VWA3B: variants seen among roughly 807,000 people sequenced by gnomAD.
The protein encoded by VWA3B is von Willebrand factor A domain-containing protein 3B.
VWA3B carries 138 observed loss-of-function variants against 158.3 expected under a neutral mutation model. The observed-to-expected ratio is 0.87, with a 90% confidence interval of 0.76 to 1.00. The LOEUF is 1.00. Ranked by LOEUF, VWA3B falls within the 50% of genes least tolerant of loss-of-function variation. The pLI, the probability that VWA3B is intolerant of heterozygous loss-of-function variation, is 0.00. For missense variants in VWA3B, 1,555 were observed against 1,565.1 expected (o/e 0.99, Z 0.11); for synonymous variants, 596 against 587.3 (o/e 1.01, Z -0.21).
At chr2:98,279,295 G>A (rs1318056233) in intron 22 of VWA3B, among the ~76,000 whole-genome samples, 2 of 152,118 alleles carry the variant, frequency 1.3e-5, no homozygotes, top group Non-Finnish European at 1.5e-5. Context: ...GTCAACTCTG[G>A]GGATCCCTGA....
chr2:98,278,718 C>T (rs1172810070), intron 22 of VWA3B, among the ~76,000 whole-genome samples: 15 of 152,108 alleles, frequency 9.9e-5, no homozygotes, highest in Non-Finnish European at 1.6e-4. Context: ...ACTCCACTGC[C>T]AGTGGAGCCT....
intron 23 of VWA3B, chr2:98,292,080 C>T (rs1689525070): frequency 8.4e-6 from 1 of 119,180 alleles, no homozygotes; most frequent in African/African-American, 3.2e-5. Context: ...CTCATCTCTA[C>T]TAAAAAAAAA....
At chr2:98,160,007 T>TAA (rs201978512) in intron 7 of VWA3B, among the ~76,000 whole-genome samples, 210 of 138,308 alleles carry the variant, frequency 1.5e-3, no homozygotes, top group East Asian at 4.2e-3. Flanking sequence ...AAGAATCCAT[T>TAA]AAAAAAAAAA....
At chr2:98,259,528 T>A (rs995968972) in intron 21 of VWA3B, among the ~76,000 whole-genome samples, 1 of 151,822 alleles carries the variant, frequency 6.6e-6, no homozygotes, top group African/African-American at 2.4e-5. Context: ...ATTTTTGGCA[T>A]AGAACTATTC....
intron 7 of VWA3B, among the ~76,000 whole-genome samples, chr2:98,150,301 C>T (rs987417625): frequency 6.6e-6 from 1 of 152,230 alleles, no homozygotes; most frequent in East Asian, 1.9e-4. Context: ...CAGGACTGCT[C>T]TTTCCAGGTG....
rs527274933 is a variant in VWA3B, at chr2:98,133,864, C to T, written c.913C>T (p.Pro305Ser). 11 of 1,614,118 alleles carry T rather than the reference C, an allele frequency of 6.8e-6. No individual in the cohort carries two copies. The highest frequency in any genetic ancestry group is 1.6e-4 in the Middle Eastern group (1 of 6,062). The change falls in exon 7 of 28, where the codon CCT (proline) becomes TCT (serine). Residue 305 changes from proline to serine, a missense_variant. Physicochemically the swap from Pro to Ser is moderately conservative, Grantham distance 74. Transcript: ENST00000477737. ...FAERTECVEF[P>S]AFSTKDGDNV... ...CGAGAGAACAGAGTGTGTAGAATTTCCTGCATTCTCCACAAAGGATGGTGA... is the reference window on the plus strand; with the variant it reads ...CGAGAGAACAGAGTGTGTAGAATTTTCTGCATTCTCCACAAAGGATGGTGA...
chr2:98,150,566 C>A (rs1441140721), intron 7 of VWA3B, among the ~76,000 whole-genome samples: 1 of 152,168 alleles, frequency 6.6e-6, no homozygotes, highest in East Asian at 1.9e-4. Context: ...CACTAGGGAT[C>A]AAGTGAAATT....
Position 98,297,982 on chromosome 2 carries a change from C to T in VWA3B, c.3233C>T (p.Thr1078Ile). 6.3e-7 allele frequency: 1 copy of T among 1,588,140 alleles called. No individual in the cohort carries two copies. Among genetic ancestry groups the T allele is most frequent in the Admixed American group, 1.8e-5 (1 of 56,836 alleles). Residue 1078 changes from threonine (T) to isoleucine (I), a missense_variant, in exon 24 of 28, where the codon ACC becomes ATC. Coordinates refer to ENST00000477737, the MANE Select transcript of VWA3B (RefSeq NM_144992.5). ...FSYGDTKVVS[T>I]SFITPVGGAM... The stretch of plus-strand genomic sequence containing the variant: ...TACGGAGACACCAAGGTCGTGTCCA[C>T]CTCCTTCATCACGCCTGTGGGGGGC...
intron 9 of VWA3B, among the ~76,000 whole-genome samples, chr2:98,185,037 A>G (rs565133273): frequency 3.7e-4 from 56 of 151,838 alleles, no homozygotes; most frequent in African/African-American, 1.3e-3. Context: ...CATTTCTTTT[A>G]CCTTCTCTTT....
rs1674466698 is a variant in VWA3B at position 98,115,549 on chromosome 2, A to G, written c.197-103A>G. 4.9e-6 allele frequency: 4 copies of G among 813,214 alleles called. No individual in the cohort carries two copies. The South Asian group carries it at 6.1e-5, about 12-fold the overall frequency. The allele number at this position is 813,214 out of a possible 1,614,324, so 50.4% of individuals were successfully genotyped here. On this transcript the variant is annotated intron_variant, in intron 2 of 27. Transcript: ENST00000477737. ...AAGCATCACAAATTATTGATGGCAC[A>G]AGATATAATTTGAATGGTGTCAGAG...
At chr2:98,165,095 G>A (rs1678954201) in intron 8 of VWA3B, among the ~76,000 whole-genome samples, 1 of 152,254 alleles carries the variant, frequency 6.6e-6, no homozygotes, top group South Asian at 2.1e-4. Flanking sequence ...AATTAGGGGA[G>A]TTGGTACACG....
the VWA3B span, among the ~76,000 whole-genome samples, chr2:98,322,744 A>G: frequency 6.6e-6 from 1 of 152,206 alleles, no homozygotes; most frequent in South Asian, 2.1e-4. Context: ...TAAGCAAGGG[A>G]ACCACTAAAA....
chr2:98,302,695 T>C (rs1426835686), intron 25 of VWA3B, among the ~76,000 whole-genome samples: 1 of 152,160 alleles, frequency 6.6e-6, no homozygotes, highest in East Asian at 1.9e-4. Flanking sequence ...ACACACCTGG[T>C]GTGTTGAGTA....
chr2:98,231,590 G>A (rs1426517198), intron 16 of VWA3B, among the ~76,000 whole-genome samples: 9 of 152,148 alleles, frequency 5.9e-5, no homozygotes, highest in South Asian at 2.1e-4. Flanking sequence ...CACATGTACC[G>A]TGGATTTAAA....
chr2:98,156,396 G>A (rs559403454), intron 7 of VWA3B, among the ~76,000 whole-genome samples: 46 of 152,274 alleles, frequency 3.0e-4, no homozygotes, highest in African/African-American at 8.7e-4. Context: ...ATCCATCTAC[G>A]TGAGTGATAT....
intron 8 of VWA3B, among the ~76,000 whole-genome samples, chr2:98,178,428 G>A (rs1363549793): frequency 6.6e-6 from 1 of 152,116 alleles, no homozygotes; most frequent in Non-Finnish European, 1.5e-5. Flanking sequence ...TAATGGGCAG[G>A]TCCTTTACAC....
chr2:98,102,609 G>A (rs1439584021), intron 2 of VWA3B, among the ~76,000 whole-genome samples: 2 of 152,214 alleles, frequency 1.3e-5, no homozygotes, highest in Non-Finnish European at 2.9e-5. Context: ...AAGGAAGTTA[G>A]CGAAAATACC....
At chr2:98,201,889 A>C (rs1682573687) in intron 12 of VWA3B, among the ~76,000 whole-genome samples, 1 of 152,190 alleles carries the variant, frequency 6.6e-6, no homozygotes, top group African/African-American at 2.4e-5. Flanking sequence ...GATGTATTAT[A>C]GATTGAATAT....
At chr2:98,272,517 A>G (rs367708607) in intron 22 of VWA3B, among the ~76,000 whole-genome samples, 1 of 152,124 alleles carries the variant, frequency 6.6e-6, no homozygotes, top group South Asian at 2.1e-4. Flanking sequence ...CGATTAAAGC[A>G]TCGGCTCTAG....
Sources: gnomAD v4.1 joint callset for allele counts (sites outside exome capture counted in the v4.1 genomes callset) on GRCh38, gnomAD v4.1.1 for gene constraint, MANE v1.5 for transcripts, NCBI Gene and HGNC (gene_info 2026-07-23, HGNC 2026-07-21) for gene names.